G3BP1: variants seen among roughly 807,000 people sequenced by gnomAD.
G3BP1 encodes the protein ras GTPase-activating protein-binding protein 1.
A neutral mutation model predicts 58.6 loss-of-function variants in G3BP1; 35 were observed. That is an observed-to-expected ratio of 0.60 (90% confidence interval 0.46 to 0.79). G3BP1 has a LOEUF of 0.79. Ranked by LOEUF, G3BP1 falls within the 30% of genes least tolerant of loss-of-function variation. The pLI is 0.00. For missense variants in G3BP1, 523 were observed against 580.8 expected (o/e 0.90, Z 1.02); for synonymous variants, 191 against 195.4 (o/e 0.98, Z 0.19).
Position 151,804,212 on chromosome 5 carries a change from A to C in G3BP1, c.*121A>C. ...TGTTATAAACTGCTTAAGTTTGTAT[A>C]ATTTTACTTTTTTTGTGTGTTAATG... On this transcript the variant is annotated 3_prime_UTR_variant, in exon 12 of 12. Coordinates refer to ENST00000356245, the MANE Select transcript of G3BP1 (RefSeq NM_005754.3). The C allele has an allele frequency of 3.1e-6, 2 of 638,676 alleles. No homozygotes were observed. The highest frequency in any genetic ancestry group is 5.2e-6 in the Non-Finnish European group (2 of 385,606). 39.6% of individuals were successfully genotyped at this position (638,676 alleles called of 1,614,324 possible). A position where few individuals can be genotyped will look rare whatever the true frequency, so the allele number is the denominator to read the frequency against.
intron 6 of G3BP1, 64 bp downstream of exon 6, chr5:151,795,639 T>TTG: frequency 1.3e-6 from 1 of 750,906 alleles, no homozygotes; most frequent in Non-Finnish European, 2.3e-6. Flanking sequence ...GTCTTTCCCT[T>TTG]TGTTGGAGGG....
chr5:151,782,358 A>C (rs1204603692), intron 1 of G3BP1, among the ~76,000 whole-genome samples: 1 of 152,216 alleles, frequency 6.6e-6, no homozygotes, highest in African/African-American at 2.4e-5. Flanking sequence ...ATTTAAAAAT[A>C]ACACTCAGTT....
chr5:151,793,189 C>T (rs887309278), intron 4 of G3BP1, among the ~76,000 whole-genome samples: 8 of 152,044 alleles, frequency 5.3e-5, no homozygotes, highest in Non-Finnish European at 8.8e-5. Flanking sequence ...GCTTACTGCA[C>T]CCTCCACCTC....
intron 1 of G3BP1, among the ~76,000 whole-genome samples, chr5:151,783,964 T>C (rs1415671302): frequency 2.6e-5 from 4 of 152,330 alleles, no homozygotes; most frequent in African/African-American, 7.2e-5. Flanking sequence ...GGCTTCACCA[T>C]GTTGGCCAGG....
rs557459379 is a variant in G3BP1 at position 151,793,002 on chromosome 5, T to C, written c.352-1157T>C. Among the ~76,000 whole-genome samples the C allele has an allele frequency of 1.4e-4, 21 of 152,330 alleles. No homozygotes were observed. The South Asian group carries it at 3.9e-3, about 29-fold the overall frequency. On this transcript the variant is annotated intron_variant, in intron 4 of 11. Transcript: ENST00000356245. ...TGGATCTGCACTCAGGTGTGTCTTA[T>C]ACCTACTGCGAGCAATCTTTTTCAG...
intron 1 of G3BP1, chr5:151,772,581 A>C (rs111658804): frequency 6.6e-6 from 1 of 152,256 alleles, no homozygotes; most frequent in Non-Finnish European, 1.5e-5. Flanking sequence ...GTAACAACCA[A>C]TGTTCTTTCC....
At chr5:151,774,509 A>C (rs1762331958) in intron 1 of G3BP1, among the ~76,000 whole-genome samples, 1 of 151,986 alleles carries the variant, frequency 6.6e-6, no homozygotes, top group Non-Finnish European at 1.5e-5. Flanking sequence ...GACTAAAGCC[A>C]ATTTTATATT....
chr5:151,784,218 C>T (rs1045688017), intron 1 of G3BP1, among the ~76,000 whole-genome samples: 1 of 152,184 alleles, frequency 6.6e-6, no homozygotes, highest in Non-Finnish European at 1.5e-5. Context: ...GCCCCAGCCA[C>T]CTGAGTAGCT....
intron 5 of G3BP1, 46 bp downstream of exon 5, chr5:151,794,295 T>A (rs754492867): frequency 9.7e-6 from 10 of 1,034,814 alleles, no homozygotes; most frequent in Middle Eastern, 2.2e-4. Flanking sequence ...TTTTTTTTAA[T>A]GGCATCCGAT....
intron 1 of G3BP1, among the ~76,000 whole-genome samples, chr5:151,782,476 A>G (rs1364263807): frequency 6.6e-6 from 1 of 152,216 alleles, no homozygotes; most frequent in Non-Finnish European, 1.5e-5. Flanking sequence ...ACTCAAGGTC[A>G]TGTTTAATAA....
In G3BP1 at chr5:151,787,132, T is replaced by G. The variant is rs565292433; in HGVS notation, c.95+417T>G. On this transcript the variant is annotated intron_variant, in intron 2 of 11. Transcript: ENST00000356245. Reference sequence around the variant, plus strand: ...CCTTGGCCTCCCAAAGTCCTGGGATTACAGGCGTGAGCCACTGCGCCTAGC... The same window carrying G: ...CCTTGGCCTCCCAAAGTCCTGGGATGACAGGCGTGAGCCACTGCGCCTAGC... 6.3e-4 allele frequency: 97 copies of G among 153,340 alleles called. 1 individual carries two copies. The South Asian group carries it at 0.019, about 30-fold the overall frequency. 9.5% of individuals were successfully genotyped at this position (153,340 alleles called of 1,614,324 possible). A position where few individuals can be genotyped will look rare whatever the true frequency, so the allele number is the denominator to read the frequency against.
At chr5:151,794,961 C>T (rs946100463) in intron 5 of G3BP1, among the ~76,000 whole-genome samples, 2 of 152,142 alleles carry the variant, frequency 1.3e-5, no homozygotes, top group African/African-American at 4.8e-5. Flanking sequence ...TCTTAAAAAC[C>T]AAGACACTAC....
Position 151,790,886 on chromosome 5 carries a change from A to G in G3BP1, c.178-3A>G. On this transcript the variant is annotated splice_polypyrimidine_tract_variant and splice_region_variant and intron_variant, in intron 3 of 11. Coordinates refer to ENST00000356245, the MANE Select transcript of G3BP1 (RefSeq NM_005754.3). ...TTATTATTATTATTATTATTTTTTT[A>G]AGGAAATCCACAGGAAAGTGATGTC... 1 of 1,529,966 alleles carries G rather than the reference A, an allele frequency of 6.5e-7. No homozygotes were observed. The highest frequency in any genetic ancestry group is 9.0e-7 in the Non-Finnish European group (1 of 1,112,864). The allele number at this position is 1,529,966 out of a possible 1,614,324, so 94.8% of individuals were successfully genotyped here. A position where few individuals can be genotyped will look rare whatever the true frequency, so the allele number is the denominator to read the frequency against.
rs1326753299 is a variant in G3BP1, at chr5:151,793,891, G to A, written c.352-268G>A. ...TAGCCTTGCATGGTGGCGCGCCCCT[G>A]TAGTTCTAGCTACTTAGGAGGCTGA... On this transcript the variant is annotated intron_variant, in intron 4 of 11. Transcript: ENST00000356245. Among the ~76,000 whole-genome samples the A allele has an allele frequency of 1.3e-5, 2 of 151,184 alleles. 1 individual carries two copies. Among genetic ancestry groups the A allele is most frequent in the Admixed American group, 1.3e-4 (2 of 15,180 alleles).
At position 151,809,829 on chromosome 5, in the gene G3BP1, CCT is replaced by C. The variant is rs760390861; in HGVS notation, c.*5739_*5740del. ...CAGTTGCTTCTGTAGTTTTCATACC[CCT>C]GTTTTCTCAATTTTCTTAGAACTGT... On this transcript the variant is annotated 3_prime_UTR_variant, in exon 12 of 12. Transcript: ENST00000356245. 4 of 152,126 alleles carry C rather than the reference CCT, an allele frequency of 2.6e-5. No homozygotes were observed. The highest frequency in any genetic ancestry group is 5.9e-5 in the Non-Finnish European group (4 of 68,032). 9.4% of individuals were successfully genotyped at this position (152,126 alleles called of 1,614,324 possible). A position where few individuals can be genotyped will look rare whatever the true frequency, so the allele number is the denominator to read the frequency against.
intron 11 of G3BP1, 53 bp downstream of exon 11, chr5:151,800,922 G>A (rs1762839759): frequency 5.7e-6 from 5 of 874,516 alleles, no homozygotes; most frequent in Non-Finnish European, 9.4e-6. Context: ...AAGGGTTTTG[G>A]TTCTTTAGAA....
intron 1 of G3BP1, among the ~76,000 whole-genome samples, chr5:151,779,357 G>GT (rs200964395): frequency 5.0e-4 from 76 of 151,222 alleles, no homozygotes; most frequent in Non-Finnish European, 6.2e-4. Flanking sequence ...TGAGGTTCTG[G>GT]TTTTTTTTTG....
At chr5:151,790,777 T>G (rs1475270187) in intron 3 of G3BP1, 112 bp from the exon 4 acceptor site, 4 of 647,884 alleles carry the variant, frequency 6.2e-6, no homozygotes, top group Non-Finnish European at 7.9e-6. Flanking sequence ...ATCCTGTAAT[T>G]TAAATATACA....
At chr5:151,788,844 C>T (rs1762598589) in intron 2 of G3BP1, among the ~76,000 whole-genome samples, 1 of 151,850 alleles carries the variant, frequency 6.6e-6, no homozygotes, top group Admixed American at 6.6e-5. Context: ...GTGGCGCTAT[C>T]TCGGCTCACC....
Sources: allele counts gnomAD v4.1 joint callset (sites outside exome capture counted in the v4.1 genomes callset), GRCh38; gene constraint gnomAD v4.1.1; transcripts MANE v1.5; gene names NCBI Gene and HGNC (gene_info 2026-07-23, HGNC 2026-07-21).